Variants in TTC7B observed in about 807,000 individuals in gnomAD.
TTC7B encodes tetratricopeptide repeat protein 7B.
TTC7B carries 28 observed loss-of-function variants against 106.8 expected under a neutral mutation model. The ratio of observed to expected loss-of-function variants is 0.26; its 90% CI spans 0.19 to 0.36. The LOEUF (loss-of-function observed/expected upper bound fraction) is 0.36. TTC7B is among the 10% of genes least tolerant of loss of function. The probability of loss-of-function intolerance (pLI) is 1.00; values close to 1 mark genes in which losing one functional copy is unlikely to be tolerated. For synonymous variants in TTC7B, 405 were observed against 430.6 expected (o/e 0.94, Z 0.74); for missense variants, 862 against 1,076.4 (o/e 0.80, Z 2.79).
intron 19 of TTC7B, among the ~76,000 whole-genome samples, chr14:90,557,358 A>G (rs1890362140): frequency 6.6e-6 from 1 of 152,160 alleles, no homozygotes; most frequent in African/African-American, 2.4e-5. Flanking sequence ...TGTGACCTCC[A>G]TCAACTGCCA....
chr14:90,651,398 T>C (rs943069775), intron 13 of TTC7B, among the ~76,000 whole-genome samples: 3 of 152,144 alleles, frequency 2.0e-5, no homozygotes, highest in African/African-American at 7.2e-5. Flanking sequence ...AAGCAAAAGA[T>C]GAACAAAAAA....
chr14:90,672,522 T>C (rs1886673322), intron 9 of TTC7B, among the ~76,000 whole-genome samples: 1 of 152,174 alleles, frequency 6.6e-6, no homozygotes, highest in Non-Finnish European at 1.5e-5. Context: ...AGCTTAAGGA[T>C]GAAGAGGGTC....
At chr14:90,693,542 C>T (rs1364870229) in intron 6 of TTC7B, among the ~76,000 whole-genome samples, 1 of 152,172 alleles carries the variant, frequency 6.6e-6, no homozygotes, top group African/African-American at 2.4e-5. Context: ...CGAGGGCCTA[C>T]ATTCTGCCTG....
chr14:90,751,767 T>C (rs1482893303), intron 3 of TTC7B, among the ~76,000 whole-genome samples: 1 of 151,994 alleles, frequency 6.6e-6, no homozygotes, highest in Non-Finnish European at 1.5e-5. Flanking sequence ...GATGATAAAA[T>C]TATAATTACA....
At chr14:90,699,345 C>T in intron 5 of TTC7B, 1 of 394,302 alleles carries the variant, frequency 2.5e-6, no homozygotes, top group Non-Finnish European at 4.9e-6. Flanking sequence ...TAATGAGTGG[C>T]TACTTCAATA....
rs1889793027 is a variant in TTC7B, at chr14:90,742,186, A to C, written c.576+2606T>G. ...CTCCCAAGTAGCTGGGACTACAGGC[A>C]CTTGCCACCATGCCTAGCTAGTTTC... On this transcript the variant is annotated intron_variant, in intron 4 of 19. Coordinates refer to ENST00000328459, the MANE Select transcript of TTC7B (RefSeq NM_001010854.2). The surrounding 1 kb of genome is among the most constrained non-coding windows in gnomAD (Gnocchi z 4.1). Among the ~76,000 whole-genome samples, 2 of 152,082 alleles carry C rather than the reference A, an allele frequency of 1.3e-5. No homozygotes were observed. Among genetic ancestry groups the C allele is most frequent in the Non-Finnish European group, 2.9e-5 (2 of 67,998 alleles).
intron 16 of TTC7B, among the ~76,000 whole-genome samples, chr14:90,611,823 A>C (rs1892888508): frequency 6.6e-6 from 1 of 152,186 alleles, no homozygotes; most frequent in Non-Finnish European, 1.5e-5. Flanking sequence ...GTAGGTAAAC[A>C]CTATTGCTTT....
rs1351711950 is a variant in TTC7B, at chr14:90,575,422, G to T, written c.2310+2684C>A. 6.6e-6 allele frequency among the ~76,000 whole-genome samples: 1 copy of T among 152,214 alleles called. No individual in the cohort carries two copies. The highest frequency in any genetic ancestry group is 2.1e-4 in the South Asian group (1 of 4,832). ...CCTGGGCCTCTAGGGTATACGTGAA[G>T]ACCCCCTTCCTCCCTTCCTCCATCG... On this transcript the variant is annotated intron_variant, in intron 19 of 19. Transcript: ENST00000328459. This position sits in a 1 kb window ranked among gnomAD's most constrained non-coding sequence, Gnocchi z 5.2.
intron 1 of TTC7B, among the ~76,000 whole-genome samples, chr14:90,790,000 G>A (rs1423135070): frequency 6.6e-6 from 1 of 151,828 alleles, no homozygotes; most frequent in Non-Finnish European, 1.5e-5. Flanking sequence ...CAAATCTTGT[G>A]TGTATTTTAC....
chr14:90,590,332 C>A (rs1367259951), intron 18 of TTC7B, among the ~76,000 whole-genome samples: 2 of 152,200 alleles, frequency 1.3e-5, no homozygotes, highest in Non-Finnish European at 2.9e-5. Context: ...CAATAGATTT[C>A]TCTGCTGGAA....
In TTC7B at chr14:90,805,837, C is replaced by T. The variant is rs192372966; in HGVS notation, c.121+10338G>A. ...AGAGTCACTCCTGTGAGCCCTGCGG[C>T]GGGCACAGCTCAATGCCCAGGGGCA... On this transcript the variant is annotated intron_variant, in intron 1 of 19. Transcript: ENST00000328459. The surrounding 1 kb of genome is among the most constrained non-coding windows in gnomAD (Gnocchi z 4.0). Among the ~76,000 whole-genome samples, 506 of 147,702 alleles carry T rather than the reference C, an allele frequency of 3.4e-3. No individual in the cohort carries two copies. The highest frequency in any genetic ancestry group is 5.6e-3 in the South Asian group (26 of 4,626).
chr14:90,541,175 C>CA lies in TTC7B; in HGVS notation c.*192dup, dbSNP rs199994385. On this transcript the variant is annotated 3_prime_UTR_variant, in exon 20 of 20. Transcript: ENST00000328459. ...GGTTCAGAAACTACCATTGGGCTGG[C>CA]AAAAAAAACAAGAGAAACGCACATG... The CA allele has an allele frequency of 9.9e-3, 4,580 of 461,926 alleles. 89 individuals carry two copies. The highest frequency in any genetic ancestry group is 0.055 in the African/African-American group (2,810 of 50,816). The allele number at this position is 461,926 out of a possible 1,614,324, so 28.6% of individuals were successfully genotyped here.
At chr14:90,614,376 G>C (rs899807115) in intron 16 of TTC7B, among the ~76,000 whole-genome samples, 1 of 152,214 alleles carries the variant, frequency 6.6e-6, no homozygotes, top group Non-Finnish European at 1.5e-5. Context: ...TCCTAACTGA[G>C]GTTAGAGCAA....
At chr14:90,647,332 C>T in intron 13 of TTC7B, 1 of 311,830 alleles carries the variant, frequency 3.2e-6, no homozygotes. Context: ...GAGGTCTGAT[C>T]TCCCCAGCAG....
rs1235486166 is a variant in TTC7B at position 90,742,374 on chromosome 14, G to A, written c.576+2418C>T. Among the ~76,000 whole-genome samples, 1 of 146,130 alleles carries A rather than the reference G, an allele frequency of 6.8e-6. No homozygotes were observed. Among genetic ancestry groups the A allele is most frequent in the African/African-American group, 2.5e-5 (1 of 39,442 alleles). ...TTTCTTTCTTCATTTGTAGAGACAAGGTCTCACTCTGTTGACCAGGCTGAT... is the reference window on the plus strand; with the variant it reads ...TTTCTTTCTTCATTTGTAGAGACAAAGTCTCACTCTGTTGACCAGGCTGAT... On this transcript the variant is annotated intron_variant, in intron 4 of 19. Transcript: ENST00000328459. The surrounding 1 kb of genome is among the most constrained non-coding windows in gnomAD (Gnocchi z 4.1).
At chr14:90,622,272 C>T (rs1336277829) in intron 15 of TTC7B, among the ~76,000 whole-genome samples, 1 of 151,970 alleles carries the variant, frequency 6.6e-6, no homozygotes, top group Non-Finnish European at 1.5e-5. Flanking sequence ...GTGCATGCCA[C>T]CACACTTGGC....
intron 5 of TTC7B, among the ~76,000 whole-genome samples, chr14:90,727,378 C>T (rs1015207619): frequency 6.6e-6 from 1 of 152,242 alleles, no homozygotes; most frequent in Non-Finnish European, 1.5e-5. Flanking sequence ...CAGCAAGGCA[C>T]ATCCCCTGTG....
intron 5 of TTC7B, among the ~76,000 whole-genome samples, chr14:90,701,690 G>GTATATATA (rs71461917): frequency 2.3e-4 from 18 of 77,640 alleles, no homozygotes; most frequent in Non-Finnish European, 3.8e-4. Context: ...CAAAAGAAAC[G>GTATATATA]TATATATATA....
At position 90,534,282 on chromosome 14, in the gene TTC7B, G is replaced by A. The variant is rs1302556589; in HGVS notation, c.*7086C>T. ...GCATGACCACAAGTGTGGGAGGAAT[G>A]TTAGTGGCGGGAACGGCCGCAGCCC... is the stretch of plus-strand genomic sequence containing the variant. On this transcript the variant is annotated 3_prime_UTR_variant, in exon 20 of 20. Transcript: ENST00000328459. 1 of 152,364 alleles carries A rather than the reference G, an allele frequency of 6.6e-6. No individual in the cohort carries two copies. Among genetic ancestry groups the A allele is most frequent in the Non-Finnish European group, 1.5e-5 (1 of 68,134 alleles). The allele number at this position is 152,364 out of a possible 1,614,324, so 9.4% of individuals were successfully genotyped here. A position where few individuals can be genotyped will look rare whatever the true frequency, so the allele number is the denominator to read the frequency against.
Sources: gnomAD v4.1 joint callset for allele counts (sites outside exome capture counted in the v4.1 genomes callset) on GRCh38, gnomAD v4.1.1 for gene constraint, Gnocchi (gnomAD v3.1) non-coding constraint, MANE v1.5 for transcripts, NCBI Gene and HGNC (gene_info 2026-07-23, HGNC 2026-07-21) for gene names.